Variants in EHMT1 observed in about 807,000 individuals in gnomAD.
EHMT1 encodes euchromatic histone lysine methyltransferase 1.
Under a neutral mutation model 147.2 loss-of-function variants are expected in EHMT1, and 15 were observed. The observed-to-expected ratio is 0.10, with a 90% CI of 0.07 to 0.16. EHMT1 has a LOEUF of 0.16. EHMT1 is among the 10% of genes least tolerant of loss of function. The pLI is 1.00. For missense variants in EHMT1, 1,587 were observed against 1,772.4 expected, an observed-to-expected ratio of 0.90 and a Z score of 1.88; for synonymous variants, 795 against 709.6, an observed-to-expected ratio of 1.12 and a Z score of -1.91.
At chr9:137,781,705 G>A (rs1021126191) in intron 14 of EHMT1, among the ~76,000 whole-genome samples, 2 of 152,210 alleles carry the variant, frequency 1.3e-5, no homozygotes, top group African/African-American at 4.8e-5. Flanking sequence ...TCGTCTCTGG[G>A]TTGAAAAGGA....
At chr9:137,758,487 G>A (rs973785478) in intron 9 of EHMT1, among the ~76,000 whole-genome samples, 7 of 152,222 alleles carry the variant, frequency 4.6e-5, no homozygotes. Flanking sequence ...AGGTGAATCA[G>A]CAGCTTCTGT....
chr9:137,666,257 C>A (rs1939634445), intron 1 of EHMT1, among the ~76,000 whole-genome samples: 1 of 152,184 alleles, frequency 6.6e-6, no homozygotes, highest in African/African-American at 2.4e-5. Context: ...GAGGTCCCCT[C>A]CAACTGAGGG....
At chr9:137,760,325 GCTGTTGGC>G in intron 9 of EHMT1, among the ~76,000 whole-genome samples, 1 of 152,198 alleles carries the variant, frequency 6.6e-6, no homozygotes, top group East Asian at 1.9e-4. Context: ...CCTCTTGGCT[GCTGTTGGC>G]CAGTGCTGTG....
At chr9:137,735,913 C>A (rs1252971482) in intron 4 of EHMT1, among the ~76,000 whole-genome samples, 1 of 152,166 alleles carries the variant, frequency 6.6e-6, no homozygotes, top group Non-Finnish European at 1.5e-5. Context: ...TGAAGCCCTA[C>A]CAGGTGTACC....
At chr9:137,779,174 A>T (rs751775253) in intron 13 of EHMT1, among the ~76,000 whole-genome samples, 2 of 152,240 alleles carry the variant, frequency 1.3e-5, no homozygotes, top group Non-Finnish European at 2.9e-5. Context: ...TTAAGGTTTC[A>T]GAGCAAAAGT....
chr9:137,828,971 G>A lies in EHMT1; in HGVS notation c.3541-5378G>A, dbSNP rs1269927312. 5.9e-5 allele frequency among the ~76,000 whole-genome samples: 9 copies of A among 152,148 alleles called. No individual in the cohort carries two copies. The highest frequency in any genetic ancestry group is 2.1e-4 in the South Asian group (1 of 4,832). On this transcript the variant is annotated intron_variant, in intron 25 of 26. Transcript: ENST00000460843. The surrounding 1 kb of genome is among the most constrained non-coding windows in gnomAD (Gnocchi z 5.3). ...CCAGATGGCCTCTTTTGCCTCTGGCGAAGTGAAGTGAGCACCTGTAGTGAG... is the reference window on the plus strand; with the variant it reads ...CCAGATGGCCTCTTTTGCCTCTGGCAAAGTGAAGTGAGCACCTGTAGTGAG...
Position 137,741,929 on chromosome 9 carries a change from T to C in EHMT1, c.824-1442T>C, listed in dbSNP as rs1588470619. ...GCCTCCTTCATCCCCCCACAAAATATCTATTCAAAATATCAAGATGATTAT... is the reference window on the plus strand; with the variant it reads ...GCCTCCTTCATCCCCCCACAAAATACCTATTCAAAATATCAAGATGATTAT... On this transcript the variant is annotated intron_variant, in intron 4 of 26. Coordinates refer to ENST00000460843, the MANE Select transcript of EHMT1 (RefSeq NM_024757.5). Among the ~76,000 whole-genome samples the C allele has an allele frequency of 2.0e-5, 3 of 152,324 alleles. No homozygotes were observed. In the South Asian group the frequency reaches 6.2e-4, roughly 32 times the overall value.
At chr9:137,712,039 G>A (rs541246516) in intron 2 of EHMT1, among the ~76,000 whole-genome samples, 17 of 152,322 alleles carry the variant, frequency 1.1e-4, no homozygotes, top group Middle Eastern at 3.4e-3. Flanking sequence ...CGCCTCTGCC[G>A]CTACCCCTAG....
At chr9:137,699,240 G>A (rs1236241288) in intron 1 of EHMT1, among the ~76,000 whole-genome samples, 1 of 152,210 alleles carries the variant, frequency 6.6e-6, no homozygotes, top group East Asian at 1.9e-4. Flanking sequence ...AACATCTAAT[G>A]TAGTAAAGTT....
chr9:137,740,038 C>G (rs1947913840), intron 4 of EHMT1, among the ~76,000 whole-genome samples: 1 of 152,160 alleles, frequency 6.6e-6, no homozygotes, highest in Non-Finnish European at 1.5e-5. Context: ...CTGTGTTTCC[C>G]GTGCACTTGC....
chr9:137,792,431 G>T (rs933025325), intron 16 of EHMT1, among the ~76,000 whole-genome samples: 1 of 152,212 alleles, frequency 6.6e-6, no homozygotes, highest in Non-Finnish European at 1.5e-5. Context: ...ACAGCTGGGC[G>T]TGGTGGCTCA....
At position 137,787,757 on chromosome 9, in the gene EHMT1, GAC is replaced by G; in HGVS notation, c.2383-3086_2383-3085del. 7.5e-6 allele frequency: 6 copies of G among 803,052 alleles called. 1 individual carries two copies. Among genetic ancestry groups the G allele is most frequent in the Admixed American group, 7.1e-5 (4 of 55,958 alleles). 49.7% of individuals were successfully genotyped at this position (803,052 alleles called of 1,614,324 possible). On this transcript the variant is annotated intron_variant, in intron 15 of 26. Coordinates refer to ENST00000460843, the MANE Select transcript of EHMT1 (RefSeq NM_024757.5). This position sits in a 1 kb window ranked among gnomAD's most constrained non-coding sequence, Gnocchi z 4.2. ...AACATCGTAGATGCTTTTGTTGGGT[GAC>G]ACACCCTGGAAGAGGGCGTCTAGAT...
intron 10 of EHMT1, chr9:137,763,164 A>AGTCCAGACCT: frequency 2.3e-6 from 1 of 441,672 alleles, no homozygotes; most frequent in Non-Finnish European, 4.1e-6. Flanking sequence ...CACCAAGGTG[A>AGTCCAGACCT]GTCCAGAACT....
chr9:137,736,231 A>G (rs1436248288), intron 4 of EHMT1, among the ~76,000 whole-genome samples: 1 of 152,252 alleles, frequency 6.6e-6, no homozygotes, highest in Admixed American at 6.5e-5. Flanking sequence ...AGGACAATAT[A>G]TAGTAATAAA....
intron 10 of EHMT1, among the ~76,000 whole-genome samples, chr9:137,772,855 C>T (rs2136585981): frequency 6.6e-6 from 1 of 152,212 alleles, no homozygotes; most frequent in South Asian, 2.1e-4. Flanking sequence ...TAAAGGATTC[C>T]TTGTTTTATC....
At chr9:137,821,922 AT>A (rs561916886) in intron 25 of EHMT1, among the ~76,000 whole-genome samples, 3 of 151,932 alleles carry the variant, frequency 2.0e-5, no homozygotes, top group African/African-American at 7.3e-5. Context: ...GGTTTTTGAA[AT>A]TTTTTTCTCT....
rs1375079814 is a variant in EHMT1 at position 137,677,530 on chromosome 9, A to G, written c.22-33437A>G. Among the ~76,000 whole-genome samples, 5 of 151,342 alleles carry G rather than the reference A, an allele frequency of 3.3e-5. No homozygotes were observed. In the East Asian group the frequency reaches 5.9e-4, roughly 18 times the overall value. On this transcript the variant is annotated intron_variant, in intron 1 of 26. Transcript: ENST00000460843. Reference sequence around the variant, plus strand: ...AAGCTCTGCCTCCCGGGTTCACGCCATTCTCCTGCCTCAGCCTCCCGAGTT... The same window carrying G: ...AAGCTCTGCCTCCCGGGTTCACGCCGTTCTCCTGCCTCAGCCTCCCGAGTT...
At chr9:137,739,958 C>A (rs1196139167) in intron 4 of EHMT1, among the ~76,000 whole-genome samples, 4 of 152,246 alleles carry the variant, frequency 2.6e-5, no homozygotes, top group African/African-American at 7.2e-5. Flanking sequence ...AGAGCTGGGC[C>A]CTGCTCTATG....
chr9:137,782,453 C>G lies in EHMT1; in HGVS notation c.2382+56C>G. ...TTCACCTGCTCTCTTTTATTTTTACCAAAGTAAAATCATACCACGTTCGCG... is the reference window on the plus strand; with the variant it reads ...TTCACCTGCTCTCTTTTATTTTTACGAAAGTAAAATCATACCACGTTCGCG... On this transcript the variant is annotated intron_variant, in intron 15 of 26. Coordinates refer to ENST00000460843, the MANE Select transcript of EHMT1 (RefSeq NM_024757.5). This position sits in a 1 kb window ranked among gnomAD's most constrained non-coding sequence, Gnocchi z 5.7. 1.4e-6 allele frequency: 2 copies of G among 1,470,402 alleles called. No individual in the cohort carries two copies. The highest frequency in any genetic ancestry group is 2.4e-5 in the South Asian group (2 of 83,464). The allele number at this position is 1,470,402 out of a possible 1,614,324, so 91.1% of individuals were successfully genotyped here.
Sources: allele counts gnomAD v4.1 joint callset (sites outside exome capture counted in the v4.1 genomes callset), GRCh38; gene constraint gnomAD v4.1.1; non-coding constraint Gnocchi (gnomAD v3.1); transcripts MANE v1.5; gene names NCBI Gene and HGNC (gene_info 2026-07-23, HGNC 2026-07-21).